MBTD1: variants seen among roughly 807,000 people sequenced by gnomAD.
MBTD1 encodes mbt domain containing 1.
A neutral mutation model predicts 87.8 loss-of-function variants in MBTD1; 24 were observed. The observed-to-expected ratio is 0.27, with a 90% CI of 0.20 to 0.38. The LOEUF is 0.38. Ranked by LOEUF, MBTD1 falls within the 10% of genes least tolerant of loss-of-function variation. The probability of loss-of-function intolerance (pLI) is 1.00; values close to 1 mark genes in which losing one functional copy is unlikely to be tolerated. For synonymous variants in MBTD1, 237 were observed against 248.6 expected, an observed-to-expected ratio of 0.95 and a Z score of 0.44; for missense variants, 436 against 760.2, an observed-to-expected ratio of 0.57 and a Z score of 5.02.
At chr17:51,236,774 A>G (rs1037367317) in intron 2 of MBTD1, among the ~76,000 whole-genome samples, 3 of 23,344 alleles carry the variant, frequency 1.3e-4, no homozygotes, top group African/African-American at 3.1e-4. Context: ...TTAGTGGAGA[A>G]AAAAAAAATA....
At chr17:51,228,246 G>C (rs1598386947) in intron 2 of MBTD1, among the ~76,000 whole-genome samples, 1 of 151,994 alleles carries the variant, frequency 6.6e-6, no homozygotes, top group African/African-American at 2.4e-5. Flanking sequence ...GGAGGGAGAG[G>C]ACCAGGAAAA....
chr17:51,229,817 C>G (rs1047500465), intron 2 of MBTD1, among the ~76,000 whole-genome samples: 1 of 151,982 alleles, frequency 6.6e-6, no homozygotes, highest in Non-Finnish European at 1.5e-5. Flanking sequence ...CCCACCACCA[C>G]GCCCGGCTAA....
intron 16 of MBTD1, among the ~76,000 whole-genome samples, chr17:51,189,064 AG>A (rs2050681815): frequency 6.6e-6 from 1 of 152,042 alleles, no homozygotes; most frequent in South Asian, 2.1e-4. Context: ...GGCCTCAGGA[AG>A]TTTTTTTAAA....
chr17:51,255,139 G>A (rs1384320965), intron 2 of MBTD1, among the ~76,000 whole-genome samples: 10 of 152,236 alleles, frequency 6.6e-5, no homozygotes, highest in African/African-American at 2.4e-4. Context: ...AAATGAACTG[G>A]GTGTGGTGGC....
At chr17:51,257,591 T>C (rs1219665587) in intron 2 of MBTD1, among the ~76,000 whole-genome samples, 1 of 152,202 alleles carries the variant, frequency 6.6e-6, no homozygotes. Context: ...TAACCAGCTT[T>C]AAAGAATATG....
At chr17:51,260,202 T>C, upstream of MBTD1, 1 of 394,210 alleles carries the variant, frequency 2.5e-6, no homozygotes, top group Non-Finnish European at 4.5e-6. Context: ...GGAAAGCGTA[T>C]TGGGGCTTGT....
intron 6 of MBTD1, among the ~76,000 whole-genome samples, chr17:51,211,504 T>TA (rs35259426): frequency 0.5 from 67,893 of 135,066 alleles, 17,060 homozygotes; most frequent in South Asian, 0.66. Context: ...TGAGACTGTT[T>TA]AAAAAAAAAA....
At chr17:51,204,835 C>T (rs1474468308) in intron 7 of MBTD1, among the ~76,000 whole-genome samples, 2 of 152,186 alleles carry the variant, frequency 1.3e-5, no homozygotes, top group African/African-American at 4.8e-5. Context: ...CTTTATCCAG[C>T]TGCTTAGGTG....
chr17:51,207,395 A>T (rs891168506), intron 6 of MBTD1, among the ~76,000 whole-genome samples: 1 of 152,236 alleles, frequency 6.6e-6, no homozygotes, highest in African/African-American at 2.4e-5. Flanking sequence ...GCCTAAGAGC[A>T]GAAAGAAAAA....
chr17:51,229,189 C>G (rs1191349096), intron 2 of MBTD1, among the ~76,000 whole-genome samples: 2 of 152,026 alleles, frequency 1.3e-5, no homozygotes, highest in Non-Finnish European at 2.9e-5. Context: ...AAAACAAAAC[C>G]AAACCATTAC....
intron 7 of MBTD1, among the ~76,000 whole-genome samples, chr17:51,204,325 T>C (rs1475404395): frequency 1.1e-4 from 17 of 151,960 alleles, no homozygotes; most frequent in Admixed American, 1.1e-3. Flanking sequence ...GGTGCAATCT[T>C]GCCTTACTAC....
chr17:51,178,330 G>A lies in MBTD1; in HGVS notation c.*2246C>T, dbSNP rs1329307942. 3 of 152,158 alleles carry A rather than the reference G, an allele frequency of 2.0e-5. No homozygotes were observed. The highest frequency in any genetic ancestry group is 6.6e-5 in the Admixed American group (1 of 15,266). 9.4% of individuals were successfully genotyped at this position (152,158 alleles called of 1,614,324 possible). A position where few individuals can be genotyped will look rare whatever the true frequency, so the allele number is the denominator to read the frequency against. On this transcript the variant is annotated 3_prime_UTR_variant, in exon 17 of 17. Coordinates refer to ENST00000586178, the MANE Select transcript of MBTD1 (RefSeq NM_017643.3). Reference sequence around the variant, plus strand: ...TTACCAACCTTCAACTGTTGGTCACGGGATCAAGACAAGAAACACTTCATG... The same window carrying A: ...TTACCAACCTTCAACTGTTGGTCACAGGATCAAGACAAGAAACACTTCATG...
chr17:51,189,565 C>A (rs553185308), intron 16 of MBTD1, among the ~76,000 whole-genome samples: 109 of 152,276 alleles, frequency 7.2e-4, no homozygotes, highest in Non-Finnish European at 1.2e-3. Context: ...AAATCAGAAA[C>A]AAATCCTACA....
At chr17:51,259,807 C>G (rs2144358969) in intron 1 of MBTD1, 28 bp downstream of exon 1, 1 of 1,232,636 alleles carries the variant, frequency 8.1e-7, no homozygotes, top group South Asian at 4.1e-5. Flanking sequence ...ACCTGGCACA[C>G]AAAGCGGCTG....
intron 3 of MBTD1, among the ~76,000 whole-genome samples, chr17:51,222,347 G>C (rs1306151291): frequency 1.3e-5 from 2 of 152,174 alleles, no homozygotes; most frequent in Non-Finnish European, 2.9e-5. Context: ...ATGTAGCTTT[G>C]ATAACAGGAC....
At position 51,192,279 on chromosome 17, in the gene MBTD1, T is replaced by G. The variant is rs1006932471; in HGVS notation, c.1692A>C (p.Ser564=). The change falls in exon 16 of 17, where the codon TCA becomes TCC. Residue 564 remains serine (S), a splice_region_variant and synonymous_variant. Coordinates refer to ENST00000586178, the MANE Select transcript of MBTD1 (RefSeq NM_017643.3). ...GYQLQPPASQ[S]SRENQSASSK... Reference sequence around the variant, plus strand: ...ATGAAGCTGATTGGTTTTCTCTTGATGCTGAAAAATAAAAAGGGAAAATTG... The same window carrying G: ...ATGAAGCTGATTGGTTTTCTCTTGAGGCTGAAAAATAAAAAGGGAAAATTG... 2.6e-6 allele frequency: 4 copies of G among 1,549,776 alleles called. No homozygotes were observed. Among genetic ancestry groups the G allele is most frequent in the Non-Finnish European group, 3.5e-6 (4 of 1,145,700 alleles).
chr17:51,200,660 T>A (rs2051422979), intron 12 of MBTD1, among the ~76,000 whole-genome samples: 1 of 150,340 alleles, frequency 6.7e-6, no homozygotes, highest in Non-Finnish European at 1.5e-5. Context: ...GTCCAGGAAT[T>A]CGAGACCAGC....
intron 16 of MBTD1, chr17:51,183,963 C>A (rs1205189772): frequency 6.6e-6 from 1 of 152,102 alleles, no homozygotes; most frequent in East Asian, 1.9e-4. Flanking sequence ...TTCATTCAAA[C>A]GGATGTTTTT....
chr17:51,191,584 T>A (rs1192447278), intron 16 of MBTD1: 1 of 48,868 alleles, frequency 2.0e-5, no homozygotes, highest in Middle Eastern at 8.5e-3. Flanking sequence ...CATCTGCTAA[T>A]TTTTTTTTTT....
Sources: allele counts gnomAD v4.1 joint callset (sites outside exome capture counted in the v4.1 genomes callset), GRCh38; gene constraint gnomAD v4.1.1; transcripts MANE v1.5; gene names NCBI Gene and HGNC (gene_info 2026-07-23, HGNC 2026-07-21).